NIPAL2: variants seen among roughly 807,000 people sequenced by gnomAD.
The protein encoded by NIPAL2 is NIPA-like protein 2.
In NIPAL2, 43 loss-of-function variants were observed where a neutral mutation model predicts 48.9. The observed-to-expected ratio is 0.88, with a 90% CI of 0.69 to 1.13. The LOEUF is 1.13. Ranked by LOEUF, NIPAL2 falls within the 50% of genes most tolerant of loss-of-function variation. The pLI is 0.00. For missense variants in NIPAL2, 446 were observed against 461.4 expected (o/e 0.97, Z 0.31); for synonymous variants, 167 against 174.6 (o/e 0.96, Z 0.34).
At chr8:98,214,198 CTG>C (rs1291966302) in intron 5 of NIPAL2, among the ~76,000 whole-genome samples, 44 of 149,678 alleles carry the variant, frequency 2.9e-4, no homozygotes, top group African/African-American at 1.0e-3. Context: ...GAGTCTCACT[CTG>C]TTGCCCAGGC....
chr8:98,260,910 C>T (rs1247569385), intron 1 of NIPAL2, among the ~76,000 whole-genome samples: 2 of 151,504 alleles, frequency 1.3e-5, no homozygotes, highest in African/African-American at 2.4e-5. Context: ...CAGTGGTTCT[C>T]CCAGCACGCA....
chr8:98,231,980 C>T (rs1362396789), intron 4 of NIPAL2: 1 of 152,038 alleles, frequency 6.6e-6, no homozygotes, highest in Non-Finnish European at 1.5e-5. Context: ...GTTTTAGTCC[C>T]TATAAAGAAA....
chr8:98,283,013 A>C (rs1815938929), intron 1 of NIPAL2, among the ~76,000 whole-genome samples: 1 of 152,210 alleles, frequency 6.6e-6, no homozygotes, highest in African/African-American at 2.4e-5. Context: ...GCCAACATAA[A>C]GGCTCAGGGT....
At chr8:98,207,107 CAGCCA>C (rs1353960964) in intron 6 of NIPAL2, among the ~76,000 whole-genome samples, 1 of 152,170 alleles carries the variant, frequency 6.6e-6, no homozygotes, top group East Asian at 1.9e-4. Flanking sequence ...GTGGTCTGAA[CAGCCA>C]GGTTTCCCAA....
Position 98,254,095 on chromosome 8 carries a change from A to G in NIPAL2, c.136-8T>C. On this transcript the variant is annotated splice_polypyrimidine_tract_variant and splice_region_variant and intron_variant, in intron 1 of 10. Coordinates refer to ENST00000430223, the MANE Select transcript of NIPAL2 (RefSeq NM_001321635.2). Reference sequence around the variant, plus strand: ...AACTCCAAAAAGGTGAATCTGTAAAAGAAAATGTTTTCCTTAAATAATACT... The same window carrying G: ...AACTCCAAAAAGGTGAATCTGTAAAGGAAAATGTTTTCCTTAAATAATACT... 6.2e-7 allele frequency: 1 copy of G among 1,606,110 alleles called. No homozygotes were observed. Among genetic ancestry groups the G allele is most frequent in the Admixed American group, 1.7e-5 (1 of 59,402 alleles).
At chr8:98,277,063 C>A (rs984332196) in intron 1 of NIPAL2, among the ~76,000 whole-genome samples, 1 of 152,042 alleles carries the variant, frequency 6.6e-6, no homozygotes, top group African/African-American at 2.4e-5. Flanking sequence ...AGCCAGTATA[C>A]CCAGCCCATG....
chr8:98,257,533 G>A (rs944425897), intron 1 of NIPAL2, among the ~76,000 whole-genome samples: 1 of 151,818 alleles, frequency 6.6e-6, no homozygotes, highest in African/African-American at 2.4e-5. Context: ...CCGGGATTAC[G>A]GGTGTGAGCC....
chr8:98,193,932 C>T (rs936367102), intron 10 of NIPAL2, among the ~76,000 whole-genome samples: 3 of 152,144 alleles, frequency 2.0e-5, no homozygotes, highest in South Asian at 2.1e-4. Context: ...TAAGATGGCT[C>T]GAATGGCAAA....
At chr8:98,292,726 AT>A (rs11445213) in intron 1 of NIPAL2, among the ~76,000 whole-genome samples, 3,372 of 140,900 alleles carry the variant, frequency 0.024, 89 homozygotes, top group African/African-American at 0.067. Context: ...CTAACCCTCT[AT>A]TTTTTTTTTT....
intron 1 of NIPAL2, among the ~76,000 whole-genome samples, chr8:98,261,783 C>T (rs1814352629): frequency 6.7e-6 from 1 of 150,112 alleles, no homozygotes; most frequent in Admixed American, 6.7e-5. Context: ...GAGAACACCA[C>T]AAAGATACTC....
chr8:98,194,817 A>G lies in NIPAL2; in HGVS notation c.950T>C (p.Phe317Ser). 2 of 1,552,762 alleles carry G rather than the reference A, an allele frequency of 1.3e-6. No individual in the cohort carries two copies. The highest frequency in any genetic ancestry group is 1.7e-6 in the Non-Finnish European group (2 of 1,151,398). Residue 317 changes from phenylalanine (F) to serine (S), a missense_variant, in exon 10 of 11, where the codon TTT (phenylalanine) becomes TCT (serine). Transcript: ENST00000430223. ...CAAAAATACACCAAGGAATGACAGA[A>G]AACACCTGTAAGGATAATATTAATA... ...LTVFIYLFGC[F>S]LSFLGVFLVT...
chr8:98,280,753 T>TAGAGAGAGAGAGAG (rs1270897782), intron 1 of NIPAL2, among the ~76,000 whole-genome samples: 1 of 38,114 alleles, frequency 2.6e-5, no homozygotes, highest in Non-Finnish European at 6.0e-5. Flanking sequence ...TATATATATA[T>TAGAGAGAGAGAGAG]ATATATATAG....
intron 1 of NIPAL2, among the ~76,000 whole-genome samples, chr8:98,290,592 T>C (rs1299485243): frequency 6.6e-6 from 1 of 152,160 alleles, no homozygotes; most frequent in East Asian, 1.9e-4. Context: ...GAAACTGACA[T>C]CCAGAGGAAT....
At chr8:98,293,884 G>T in intron 1 of NIPAL2, 119 bp downstream of exon 1, 1 of 969,486 alleles carries the variant, frequency 1.0e-6, no homozygotes, top group Non-Finnish European at 1.4e-6. Context: ...TTCCCACTCG[G>T]AGAGGCCGGG....
chr8:98,238,829 TAAG>T (rs1231586284), intron 3 of NIPAL2, among the ~76,000 whole-genome samples: 10 of 152,178 alleles, frequency 6.6e-5, no homozygotes, highest in Admixed American at 6.5e-4. Context: ...CTCATTAAAG[TAAG>T]AAATGAATTT....
rs374767774 is a variant in NIPAL2 at position 98,283,577 on chromosome 8, CA to C, written c.135+10425del. ...AACATGTTTATTATAATAGTTTTAA[CA>C]ACCCATAATCCTTTGTTTCCAAAGA... On this transcript the variant is annotated intron_variant, in intron 1 of 10. Transcript: ENST00000430223. Among the ~76,000 whole-genome samples the C allele has an allele frequency of 2.6e-3, 394 of 152,298 alleles. 2 individuals are homozygous for C. The highest frequency in any genetic ancestry group is 9.1e-3 in the African/African-American group (378 of 41,562).
chr8:98,197,078 T>G (rs1810583957), intron 8 of NIPAL2, among the ~76,000 whole-genome samples: 1 of 151,350 alleles, frequency 6.6e-6, no homozygotes. Flanking sequence ...ACATCTTTTT[T>G]CTCTTTTTTT....
At chr8:98,267,001 T>G (rs1270044153) in intron 1 of NIPAL2, among the ~76,000 whole-genome samples, 1 of 152,176 alleles carries the variant, frequency 6.6e-6, no homozygotes, top group Non-Finnish European at 1.5e-5. Context: ...AACCTGTTGT[T>G]TGGCAGACAT....
At chr8:98,224,051 G>T (rs1812029297) in intron 4 of NIPAL2, among the ~76,000 whole-genome samples, 1 of 152,144 alleles carries the variant, frequency 6.6e-6, no homozygotes, top group African/African-American at 2.4e-5. Context: ...TTTCTTTTGT[G>T]AAATCCAGAT....
Sources: gnomAD v4.1 joint callset for allele counts (sites outside exome capture counted in the v4.1 genomes callset) on GRCh38, gnomAD v4.1.1 for gene constraint, MANE v1.5 for transcripts, NCBI Gene and HGNC (gene_info 2026-07-23, HGNC 2026-07-21) for gene names.